ADAM22: variants seen among roughly 807,000 people sequenced by gnomAD.
ADAM22 encodes the protein ADAM metallopeptidase domain 22.
In ADAM22, 65 loss-of-function variants were observed where a neutral mutation model predicts 144.6. That is an observed-to-expected ratio of 0.45 (90% CI 0.37 to 0.55). The LOEUF (loss-of-function observed/expected upper bound fraction) is 0.55, where lower values mean the gene tolerates loss of function less well. Ranked by LOEUF, ADAM22 falls within the 20% of genes least tolerant of loss-of-function variation. ADAM22 has a pLI of 0.00. For synonymous variants in ADAM22, 391 were observed against 412.6 expected, an observed-to-expected ratio of 0.95 and a Z score of 0.63; for missense variants, 974 against 1,184.9, an observed-to-expected ratio of 0.82 and a Z score of 2.61.
chr7:88,081,832 A>C (rs1427940941), intron 4 of ADAM22, among the ~76,000 whole-genome samples: 1 of 148,164 alleles, frequency 6.7e-6, no homozygotes, highest in Non-Finnish European at 1.5e-5. Flanking sequence ...TCAAGGAAAT[A>C]AAAGAGGATA....
chr7:87,936,552 C>A (rs896985900), intron 2 of ADAM22, among the ~76,000 whole-genome samples: 2 of 152,144 alleles, frequency 1.3e-5, no homozygotes, highest in Non-Finnish European at 2.9e-5. Context: ...CCAGCTCCAA[C>A]AATTAGCAAC....
rs759925724 is a variant in ADAM22, at chr7:88,114,606, C to A, written c.496C>A (p.His166Asn). Residue 166 changes from histidine (H) to asparagine (N), a missense_variant, in exon 6 of 32, where the codon CAC becomes AAC. His to Asn is a moderately conservative substitution (Grantham distance 68). This residue lies in a region of ADAM22 where 240 missense variants were observed against 234.3 expected (regional missense o/e 1.02). Transcript: ENST00000413139. The stretch of plus-strand genomic sequence containing the variant: ...CAGTGGGATGTTCTATGACGGGAAC[C>A]ACACATATCTCATTGAGCCAGAAGA... ...GLHGMFYDGNHTYLIEPEEND... is the reference protein window; with the variant it reads ...GLHGMFYDGNNTYLIEPEEND... The A allele has an allele frequency of 3.1e-5, 50 of 1,613,752 alleles. No homozygotes were observed. The highest frequency in any genetic ancestry group is 4.1e-5 in the Non-Finnish European group (48 of 1,179,870).
chr7:88,138,521 T>C (rs1224977504), intron 14 of ADAM22, among the ~76,000 whole-genome samples: 1 of 152,242 alleles, frequency 6.6e-6, no homozygotes, highest in East Asian at 1.9e-4. Flanking sequence ...GCAGTAATTA[T>C]GGACATTTGT....
chr7:87,980,287 C>CTTTTTTTTTTTTTTTT (rs71120015), intron 3 of ADAM22, among the ~76,000 whole-genome samples: 47 of 118,392 alleles, frequency 4.0e-4, no homozygotes, highest in African/African-American at 5.3e-4. Flanking sequence ...GCACTGTGCT[C>CTTTTTTTTTTTTTTTT]TTTTTTTTTT....
intron 3 of ADAM22, among the ~76,000 whole-genome samples, chr7:88,025,043 T>A (rs1167510364): frequency 6.6e-6 from 1 of 152,146 alleles, no homozygotes; most frequent in African/African-American, 2.4e-5. Flanking sequence ...GCAGCATGAT[T>A]TATAATCTTT....
chr7:88,139,727 T>C (rs1834054551), intron 14 of ADAM22, among the ~76,000 whole-genome samples: 1 of 151,004 alleles, frequency 6.6e-6, no homozygotes, highest in Non-Finnish European at 1.5e-5. Flanking sequence ...CCCAAAGCAG[T>C]GTATCCCTGA....
intron 3 of ADAM22, among the ~76,000 whole-genome samples, chr7:88,018,396 C>A (rs922143321): frequency 1.3e-5 from 2 of 152,042 alleles, no homozygotes; most frequent in African/African-American, 2.4e-5. Context: ...CTGTGAGGAA[C>A]CTTTTATTTT....
chr7:88,138,344 G>A (rs1833562705), intron 14 of ADAM22, among the ~76,000 whole-genome samples: 1 of 152,114 alleles, frequency 6.6e-6, no homozygotes, highest in African/African-American at 2.4e-5. Flanking sequence ...TAGATAATCT[G>A]CATAGCACTA....
At chr7:88,031,736 C>T (rs1800308144) in intron 3 of ADAM22, among the ~76,000 whole-genome samples, 1 of 152,234 alleles carries the variant, frequency 6.6e-6, no homozygotes, top group Non-Finnish European at 1.5e-5. Flanking sequence ...CCTCCCATCA[C>T]AGGCCTGGAG....
At chr7:87,953,896 A>G (rs1845913944) in intron 2 of ADAM22, among the ~76,000 whole-genome samples, 1 of 152,130 alleles carries the variant, frequency 6.6e-6, no homozygotes, top group African/African-American at 2.4e-5. Flanking sequence ...CCATTATGTA[A>G]TGGCCTTCTT....
chr7:88,135,697 T>C (rs1313978390), intron 13 of ADAM22, among the ~76,000 whole-genome samples: 1 of 152,176 alleles, frequency 6.6e-6, no homozygotes, highest in Non-Finnish European at 1.5e-5. Context: ...TGGTATTTGA[T>C]TGTCTTTCAT....
At chr7:88,001,361 T>C (rs944838192) in intron 3 of ADAM22, among the ~76,000 whole-genome samples, 3 of 152,332 alleles carry the variant, frequency 2.0e-5, no homozygotes, top group Admixed American at 6.5e-5. Context: ...GAACAAAGTT[T>C]GTGTTAAGCA....
At chr7:88,136,488 A>C (rs1435869619) in intron 14 of ADAM22, among the ~76,000 whole-genome samples, 1 of 152,108 alleles carries the variant, frequency 6.6e-6, no homozygotes, top group African/African-American at 2.4e-5. Context: ...TATTACTGAA[A>C]AGGGAGTTGG....
chr7:87,972,512 G>C (rs1341829325), intron 2 of ADAM22, among the ~76,000 whole-genome samples: 1 of 111,592 alleles, frequency 9.0e-6, no homozygotes, highest in Non-Finnish European at 2.0e-5. Context: ...TACTGCCCAA[G>C]GTAATTTATA....
chr7:88,157,734 C>T (rs1202036709), intron 22 of ADAM22, among the ~76,000 whole-genome samples: 1 of 152,084 alleles, frequency 6.6e-6, no homozygotes, highest in Non-Finnish European at 1.5e-5. Flanking sequence ...AGGAGACCTT[C>T]ATAAATAACA....
In ADAM22 at chr7:88,199,626, G is replaced by A. The variant is rs1012325863; in HGVS notation, c.*3135G>A. 1 of 152,224 alleles carries A rather than the reference G, an allele frequency of 6.6e-6. No individual in the cohort carries two copies. The highest frequency in any genetic ancestry group is 2.4e-5 in the African/African-American group (1 of 41,450). 9.4% of individuals were successfully genotyped at this position (152,224 alleles called of 1,614,324 possible). A position where few individuals can be genotyped will look rare whatever the true frequency, so the allele number is the denominator to read the frequency against. On this transcript the variant is annotated 3_prime_UTR_variant, in exon 32 of 32. Transcript: ENST00000413139. Reference sequence around the variant, plus strand: ...GGAATACATCGGACAGTGCAACATGGTGAGGGCTTTCAATTTGCTGTGGTT... The same window carrying A: ...GGAATACATCGGACAGTGCAACATGATGAGGGCTTTCAATTTGCTGTGGTT...
intron 3 of ADAM22, among the ~76,000 whole-genome samples, chr7:88,013,061 G>A (rs1178616887): frequency 6.6e-6 from 1 of 152,164 alleles, no homozygotes; most frequent in Non-Finnish European, 1.5e-5. Context: ...GTATGGGAAC[G>A]CCCCCTAAGA....
intron 2 of ADAM22, among the ~76,000 whole-genome samples, chr7:87,959,315 T>C (rs1847524747): frequency 6.6e-6 from 1 of 152,210 alleles, no homozygotes; most frequent in Non-Finnish European, 1.5e-5. Flanking sequence ...AAAGATAATA[T>C]ACATAAAGCT....
intron 25 of ADAM22, among the ~76,000 whole-genome samples, chr7:88,168,641 C>T (rs919429596): frequency 2.6e-5 from 4 of 151,980 alleles, no homozygotes; most frequent in Non-Finnish European, 2.9e-5. Flanking sequence ...TGAAAAGAAA[C>T]CAGAGTATTC....
Sources: gnomAD v4.1 joint callset for allele counts (sites outside exome capture counted in the v4.1 genomes callset) on GRCh38, gnomAD v4.1.1 for gene constraint, gnomAD v4.1.1 regional missense constraint, MANE v1.5 for transcripts, NCBI Gene and HGNC (gene_info 2026-07-23, HGNC 2026-07-21) for gene names.